The following CCDC85A variants were observed in gnomAD, a reference collection of about 807,000 sequenced individuals.
CCDC85A encodes coiled-coil domain-containing protein 85A.
CCDC85A carries 38 observed loss-of-function variants against 50.2 expected under a neutral mutation model. The observed-to-expected ratio is 0.76, with a 90% CI of 0.58 to 0.99. The LOEUF (loss-of-function observed/expected upper bound fraction) is 0.99, where lower values mean the gene tolerates loss of function less well. Among genes scored for constraint, CCDC85A ranks in the 50% least tolerant of loss-of-function variants. The pLI, the probability that CCDC85A is intolerant of heterozygous loss-of-function variation, is 0.00. For missense variants in CCDC85A, 820 were observed against 742.0 expected, an observed-to-expected ratio of 1.11 and a Z score of -1.22; for synonymous variants, 366 against 301.4, an observed-to-expected ratio of 1.21 and a Z score of -2.22.
At chr2:56,362,880 C>T (rs1381547495) in intron 3 of CCDC85A, among the ~76,000 whole-genome samples, 4 of 152,158 alleles carry the variant, frequency 2.6e-5, no homozygotes, top group Admixed American at 2.0e-4. Context: ...CCCTTGACCT[C>T]CCAAAGTGCT....
intron 3 of CCDC85A, 107 bp from the exon 4 acceptor site, chr2:56,372,237 G>A: frequency 8.9e-7 from 1 of 1,121,520 alleles, no homozygotes; most frequent in Non-Finnish European, 1.2e-6. Context: ...GCTTGCCATT[G>A]TGGTCATTGT....
At chr2:56,318,737 A>T (rs923112268) in intron 2 of CCDC85A, among the ~76,000 whole-genome samples, 1 of 152,152 alleles carries the variant, frequency 6.6e-6, no homozygotes, top group African/African-American at 2.4e-5. Context: ...TCCAAAACAT[A>T]AGGCATTCAC....
At chr2:56,223,029 G>C (rs1668394087) in intron 2 of CCDC85A, among the ~76,000 whole-genome samples, 1 of 152,056 alleles carries the variant, frequency 6.6e-6, no homozygotes, top group Non-Finnish European at 1.5e-5. Flanking sequence ...TAAGTGCCAA[G>C]GTTTTCTATT....
chr2:56,204,882 T>C (rs778545252), intron 2 of CCDC85A, among the ~76,000 whole-genome samples: 1 of 152,138 alleles, frequency 6.6e-6, no homozygotes, highest in Non-Finnish European at 1.5e-5. Flanking sequence ...AGCACCACAG[T>C]GATGAGTCTG....
At chr2:56,245,760 A>G (rs1669478029) in intron 2 of CCDC85A, among the ~76,000 whole-genome samples, 1 of 152,134 alleles carries the variant, frequency 6.6e-6, no homozygotes, top group African/African-American at 2.4e-5. Flanking sequence ...ACCTCTTAAT[A>G]GCCATGAGGC....
Position 56,192,437 on chromosome 2 carries a change from G to T in CCDC85A, c.277-40G>T. The T allele has an allele frequency of 6.4e-7, 1 of 1,567,060 alleles. No homozygotes were observed. Among genetic ancestry groups the T allele is most frequent in the South Asian group, 1.2e-5 (1 of 82,146 alleles). On this transcript the variant is annotated intron_variant, in intron 1 of 5. Transcript: ENST00000407595. The surrounding 1 kb of genome is among the most constrained non-coding windows in gnomAD (Gnocchi z 4.7). ...GAAGTCTGAGCCTGCTGACACCTCA[G>T]ATGTGTACTTCCCTTGAATGGTTGT...
chr2:56,187,302 T>C (rs1403832749), intron 1 of CCDC85A, among the ~76,000 whole-genome samples: 4 of 152,222 alleles, frequency 2.6e-5, no homozygotes, highest in African/African-American at 9.6e-5. Context: ...TTATGCCTCT[T>C]TCTATGAGCT....
intron 2 of CCDC85A, chr2:56,235,112 T>C (rs1324438447): frequency 2.0e-5 from 3 of 152,308 alleles, no homozygotes; most frequent in Admixed American, 2.0e-4. Flanking sequence ...AAATGCCTTC[T>C]TCAGTGATGT....
At chr2:56,304,955 A>C (rs1457247191) in intron 2 of CCDC85A, among the ~76,000 whole-genome samples, 1 of 151,494 alleles carries the variant, frequency 6.6e-6, no homozygotes, top group Non-Finnish European at 1.5e-5. Context: ...AAAAAAAAAA[A>C]ACCTGGGCGT....
chr2:56,274,271 T>G (rs1316523150), intron 2 of CCDC85A, among the ~76,000 whole-genome samples: 1 of 152,158 alleles, frequency 6.6e-6, no homozygotes, highest in African/African-American at 2.4e-5. Context: ...CAAAAGTATG[T>G]GTGTGTATAT....
intron 2 of CCDC85A, among the ~76,000 whole-genome samples, chr2:56,264,450 A>G (rs1054685490): frequency 2.6e-5 from 4 of 152,226 alleles, no homozygotes; most frequent in African/African-American, 9.6e-5. Context: ...CATCTTGTCT[A>G]TTTCATACCC....
In CCDC85A at chr2:56,305,099, C is replaced by T. The variant is rs1485044523; in HGVS notation, c.1241-37780C>T. Among the ~76,000 whole-genome samples the T allele has an allele frequency of 2.4e-4, 33 of 138,300 alleles. 1 individual carries two copies. Among genetic ancestry groups the T allele is most frequent in the Middle Eastern group, 3.5e-3 (1 of 286 alleles). 90.7% of individuals were successfully genotyped at this position (138,300 alleles called of 152,430 possible). A position where few individuals can be genotyped will look rare whatever the true frequency, so the allele number is the denominator to read the frequency against. ...GCCTGGGCGACAGAGCAAGACTCTGCCTCAAAAAAAAAAAAATATAGGATA... is the reference window on the plus strand; with the variant it reads ...GCCTGGGCGACAGAGCAAGACTCTGTCTCAAAAAAAAAAAAATATAGGATA... On this transcript the variant is annotated intron_variant, in intron 2 of 5. Transcript: ENST00000407595.
chr2:56,354,107 A>C (rs1246257625), intron 3 of CCDC85A, among the ~76,000 whole-genome samples: 1 of 152,264 alleles, frequency 6.6e-6, no homozygotes, highest in East Asian at 1.9e-4. Context: ...CCTACAATAA[A>C]AGGAGGCATG....
At chr2:56,367,486 T>G (rs1675854739) in intron 3 of CCDC85A, among the ~76,000 whole-genome samples, 1 of 152,294 alleles carries the variant, frequency 6.6e-6, no homozygotes, top group Non-Finnish European at 1.5e-5. Flanking sequence ...CCCAACATAG[T>G]TCTCTTTCTC....
chr2:56,306,216 G>A (rs1004332292), intron 2 of CCDC85A, among the ~76,000 whole-genome samples: 18 of 151,932 alleles, frequency 1.2e-4, no homozygotes, highest in Admixed American at 1.0e-3. Flanking sequence ...TACAACCTCC[G>A]CCTCCCGGGT....
chr2:56,374,557 C>T (rs759645840), intron 4 of CCDC85A, among the ~76,000 whole-genome samples: 4 of 152,110 alleles, frequency 2.6e-5, no homozygotes, highest in Non-Finnish European at 4.4e-5. Context: ...GCCTGTAATC[C>T]TAGCACTTTG....
chr2:56,271,181 G>T (rs529783216), intron 2 of CCDC85A, among the ~76,000 whole-genome samples: 1 of 152,264 alleles, frequency 6.6e-6, no homozygotes, highest in African/African-American at 2.4e-5. Context: ...AAGTTATGAG[G>T]CAGGCGTCAA....
At chr2:56,214,158 C>G (rs1677300265) in intron 2 of CCDC85A, among the ~76,000 whole-genome samples, 1 of 151,934 alleles carries the variant, frequency 6.6e-6, no homozygotes, top group South Asian at 2.1e-4. Flanking sequence ...TGGGGCCAGA[C>G]AAGGTTTGAA....
At chr2:56,242,582 AG>A (rs1669310269) in intron 2 of CCDC85A, among the ~76,000 whole-genome samples, 1 of 152,164 alleles carries the variant, frequency 6.6e-6, no homozygotes, top group East Asian at 1.9e-4. Flanking sequence ...CTGCCCCATG[AG>A]CCAAACACCT....
Sources: allele counts gnomAD v4.1 joint callset (sites outside exome capture counted in the v4.1 genomes callset), GRCh38; gene constraint gnomAD v4.1.1; non-coding constraint Gnocchi (gnomAD v3.1); transcripts MANE v1.5; gene names NCBI Gene and HGNC (gene_info 2026-07-23, HGNC 2026-07-21).